The following DNTT variants were observed in gnomAD, a reference collection of about 807,000 sequenced individuals.
The protein encoded by DNTT is DNA nucleotidylexotransferase.
Under a neutral mutation model 60.9 loss-of-function variants are expected in DNTT, and 47 were observed. That is an observed-to-expected ratio of 0.77 (90% CI 0.61 to 0.98). DNTT has a LOEUF of 0.98. Ranked by LOEUF, DNTT falls within the 50% of genes least tolerant of loss-of-function variation. DNTT has a pLI of 0.00. For missense variants in DNTT, 665 were observed against 627.5 expected (o/e 1.06, Z -0.64); for synonymous variants, 224 against 221.2 (o/e 1.01, Z -0.11).
chr10:96,317,222 A>G (rs1205177963), intron 1 of DNTT, among the ~76,000 whole-genome samples: 1 of 152,202 alleles, frequency 6.6e-6, no homozygotes, highest in Non-Finnish European at 1.5e-5. Context: ...AAGAAAGATG[A>G]GTATCATTTA....
chr10:96,336,237 T>C (rs1478304739), intron 10 of DNTT, among the ~76,000 whole-genome samples: 1 of 152,182 alleles, frequency 6.6e-6, no homozygotes, highest in Non-Finnish European at 1.5e-5. Context: ...CAGTGAACAT[T>C]AACTGGGTTT....
At position 96,304,551 on chromosome 10, in the gene DNTT, G is replaced by A; in HGVS notation, c.54G>A (p.Gln18=). Residue 18 remains glutamine, a synonymous_variant, in exon 1 of 11, where the codon CAG becomes CAA. Transcript: ENST00000371174. The stretch of plus-strand genomic sequence containing the variant: ...GCCCTCGGAAGAAGAGACCCCGGCA[G>A]ACGGGTGCCTTGATGGCCTCCTCTC... The part of the protein sequence containing the change: ...HLSPRKKRPR[Q]TGALMASSPQ... 1 of 1,614,166 alleles carries A rather than the reference G, an allele frequency of 6.2e-7. No individual in the cohort carries two copies. The highest frequency in any genetic ancestry group is 1.7e-4 in the Middle Eastern group (1 of 6,048).
intron 5 of DNTT, 141 bp from the exon 6 acceptor site, chr10:96,324,125 C>T (rs1177692939): frequency 8.8e-7 from 1 of 1,133,152 alleles, no homozygotes; most frequent in Admixed American, 2.5e-5. Context: ...CATCACCCAC[C>T]TGCTCGTTAT....
rs1452579881 is a variant in DNTT, at chr10:96,307,453, C to A, written c.203+2753C>A. 2.1e-5 allele frequency among the ~76,000 whole-genome samples: 3 copies of A among 141,834 alleles called. No individual in the cohort carries two copies. In the East Asian group the frequency reaches 7.1e-4, roughly 33 times the overall value. 93.0% of individuals were successfully genotyped at this position (141,834 alleles called of 152,430 possible). Reference sequence around the variant, plus strand: ...CACTGCAACCTCCACCTCCCAGGTTCAAGCGATACTCCTGCCTAAGCCTCC... The same window carrying A: ...CACTGCAACCTCCACCTCCCAGGTTAAAGCGATACTCCTGCCTAAGCCTCC... On this transcript the variant is annotated intron_variant, in intron 1 of 10. Transcript: ENST00000371174.
At position 96,307,799 on chromosome 10, in the gene DNTT, T is replaced by A. The variant is rs1589368072; in HGVS notation, c.203+3099T>A. 3.3e-5 allele frequency among the ~76,000 whole-genome samples: 4 copies of A among 122,290 alleles called. No homozygotes were observed. The South Asian group carries it at 1.1e-3, about 33-fold the overall frequency. The allele number at this position is 122,290 out of a possible 152,430, so 80.2% of individuals were successfully genotyped here. A position where few individuals can be genotyped will look rare whatever the true frequency, so the allele number is the denominator to read the frequency against. The stretch of plus-strand genomic sequence containing the variant: ...TATATTTTTTTTTTTTGAGGCAGGG[T>A]CTTGTTCTGTCACGCAGGCTGGAGT... On this transcript the variant is annotated intron_variant, in intron 1 of 10. Transcript: ENST00000371174.
At chr10:96,330,024 C>A (rs922806693) in intron 8 of DNTT, among the ~76,000 whole-genome samples, 2 of 152,208 alleles carry the variant, frequency 1.3e-5, no homozygotes, top group Non-Finnish European at 2.9e-5. Context: ...AAAGAACATG[C>A]TGATGTCAAT....
chr10:96,307,233 CAA>C (rs1286691936), intron 1 of DNTT, among the ~76,000 whole-genome samples: 1 of 150,304 alleles, frequency 6.7e-6, no homozygotes, highest in African/African-American at 2.5e-5. Flanking sequence ...ATGATATCAA[CAA>C]ATAGAACAAA....
chr10:96,314,443 C>T (rs887164981), intron 1 of DNTT, among the ~76,000 whole-genome samples: 13 of 45,994 alleles, frequency 2.8e-4, no homozygotes, highest in Admixed American at 1.1e-3. Context: ...GATGGAGTTT[C>T]GCTCTGTCGC....
intron 6 of DNTT, among the ~76,000 whole-genome samples, chr10:96,325,563 CT>C (rs1184703306): frequency 6.6e-6 from 1 of 152,212 alleles, no homozygotes; most frequent in Non-Finnish European, 1.5e-5. Context: ...TTCCAATTCC[CT>C]AGCTTTGTAA....
rs567823573 is a variant in DNTT, at chr10:96,320,680, A to C, written c.570A>C (p.Thr190=). 2.0e-5 allele frequency: 32 copies of C among 1,613,882 alleles called. No homozygotes were observed. The South Asian group carries it at 2.2e-4, about 11-fold the overall frequency. The stretch of plus-strand genomic sequence containing the variant: ...GAGAAAATGAAGACTCCTGTGTGAC[A>C]TTTATGAGAGCAGCTTCTGTATTGA... The part of the protein sequence containing the change: ...EFRENEDSCV[T]FMRAASVLKS... Residue 190 remains threonine, a synonymous_variant, in exon 4 of 11, where the codon ACA becomes ACC. Coordinates refer to ENST00000371174, the MANE Select transcript of DNTT (RefSeq NM_004088.4).
intron 1 of DNTT, among the ~76,000 whole-genome samples, chr10:96,318,054 A>T (rs933677960): frequency 6.6e-6 from 1 of 152,194 alleles, no homozygotes; most frequent in African/African-American, 2.4e-5. Flanking sequence ...GCTAGGTGCT[A>T]CTTTAAGAGC....
At chr10:96,331,665 C>T (rs915836395) in intron 8 of DNTT, among the ~76,000 whole-genome samples, 1 of 152,156 alleles carries the variant, frequency 6.6e-6, no homozygotes, top group African/African-American at 2.4e-5. Context: ...TTAGGCCCCA[C>T]CTCCAACATT....
chr10:96,316,916 A>G (rs1844793474), intron 1 of DNTT, among the ~76,000 whole-genome samples: 1 of 152,192 alleles, frequency 6.6e-6, no homozygotes, highest in African/African-American at 2.4e-5. Context: ...TATCACAAGG[A>G]ATCTAGGGTT....
chr10:96,304,824 C>T (rs925697857), intron 1 of DNTT, 124 bp downstream of exon 1: 1 of 1,087,432 alleles, frequency 9.2e-7, no homozygotes, highest in Non-Finnish European at 1.3e-6. Context: ...GGGAGAACAG[C>T]AGATTTGAAA....
chr10:96,334,078 A>T (rs570304077), intron 9 of DNTT, among the ~76,000 whole-genome samples: 2 of 152,240 alleles, frequency 1.3e-5, no homozygotes, highest in Non-Finnish European at 2.9e-5. Flanking sequence ...ATATCATATT[A>T]TAACCCACAA....
At chr10:96,336,414 C>T (rs923581181) in intron 10 of DNTT, among the ~76,000 whole-genome samples, 1 of 152,300 alleles carries the variant, frequency 6.6e-6, no homozygotes, top group South Asian at 2.1e-4. Context: ...AACAGAGCTG[C>T]CCTGAGACAT....
intron 9 of DNTT, among the ~76,000 whole-genome samples, chr10:96,333,531 GA>G (rs1287073988): frequency 2.6e-5 from 4 of 152,196 alleles, no homozygotes; most frequent in African/African-American, 7.2e-5. Flanking sequence ...ATTGCAGCAT[GA>G]TACACCATAG....
At chr10:96,337,438 C>T (rs1845086260) in intron 10 of DNTT, among the ~76,000 whole-genome samples, 1 of 152,212 alleles carries the variant, frequency 6.6e-6, no homozygotes, top group Non-Finnish European at 1.5e-5. Flanking sequence ...GAAGAGGGGG[C>T]TGTGGATGCT....
rs201054340 is a variant in DNTT at position 96,304,638 on chromosome 10, C to T, written c.141C>T (p.Thr47=). Residue 47 remains threonine (T), a synonymous_variant, in exon 1 of 11, where the codon ACC becomes ACT. Transcript: ENST00000371174. The part of the protein sequence containing the change: ...VFILEKKMGT[T]RRAFLMELAR... ...TTTTGGAGAAGAAAATGGGAACCAC[C>T]CGCAGAGCGTTCCTCATGGAGCTGG... 7 of 1,614,110 alleles carry T rather than the reference C, an allele frequency of 4.3e-6. No homozygotes were observed. In the East Asian group the frequency reaches 1.6e-4, roughly 36 times the overall value.
Sources: gnomAD v4.1 joint callset for allele counts (sites outside exome capture counted in the v4.1 genomes callset) on GRCh38, gnomAD v4.1.1 for gene constraint, MANE v1.5 for transcripts, NCBI Gene and HGNC (gene_info 2026-07-23, HGNC 2026-07-21) for gene names.